TAFA2: variants seen among roughly 807,000 people sequenced by gnomAD.
The protein encoded by TAFA2 is chemokine-like protein TAFA-2.
Under a neutral mutation model 18.8 loss-of-function variants are expected in TAFA2, and 7 were observed. The observed-to-expected ratio is 0.37, with a 90% CI of 0.21 to 0.70. The LOEUF is 0.70. Among genes scored for constraint, TAFA2 ranks in the 30% least tolerant of loss-of-function variants. The pLI, the probability that TAFA2 is intolerant of heterozygous loss-of-function variation, is 0.53. For synonymous variants in TAFA2, 60 were observed against 54.2 expected (o/e 1.11, Z -0.47); for missense variants, 122 against 158.1 (o/e 0.77, Z 1.23).
chr12:62,090,654 CTTT>C (rs929688854), intron 1 of TAFA2, among the ~76,000 whole-genome samples: 3 of 152,042 alleles, frequency 2.0e-5, no homozygotes, highest in African/African-American at 7.2e-5. Context: ...TTCTCTACCT[CTTT>C]CCCACAATCA....
At chr12:61,914,391 G>A (rs552812940) in intron 1 of TAFA2, among the ~76,000 whole-genome samples, 1 of 152,304 alleles carries the variant, frequency 6.6e-6, no homozygotes, top group South Asian at 2.1e-4. Flanking sequence ...TCCCACTGTG[G>A]CTTGCTTAGA....
At chr12:61,828,716 C>T (rs1872612087) in intron 2 of TAFA2, among the ~76,000 whole-genome samples, 1 of 151,782 alleles carries the variant, frequency 6.6e-6, no homozygotes, top group Non-Finnish European at 1.5e-5. Flanking sequence ...TTGACCAATA[C>T]ATTTGTTATC....
intron 1 of TAFA2, among the ~76,000 whole-genome samples, chr12:62,236,266 T>C (rs1250910033): frequency 2.3e-5 from 3 of 132,146 alleles, no homozygotes; most frequent in African/African-American, 6.3e-5. Flanking sequence ...TTTTTCTTTT[T>C]TTTTTCTTTT....
At chr12:61,893,239 A>G (rs1222291602) in intron 1 of TAFA2, among the ~76,000 whole-genome samples, 1 of 152,248 alleles carries the variant, frequency 6.6e-6, no homozygotes, top group Non-Finnish European at 1.5e-5. Flanking sequence ...TAACCATTAC[A>G]CTTGGCAGCA....
At chr12:62,067,302 G>C (rs1366508356) in intron 1 of TAFA2, among the ~76,000 whole-genome samples, 1 of 152,024 alleles carries the variant, frequency 6.6e-6, no homozygotes, top group African/African-American at 2.4e-5. Context: ...TTGCTGTGCA[G>C]AAGCTTTCTA....
chr12:61,979,620 T>C (rs1879559294), intron 1 of TAFA2, among the ~76,000 whole-genome samples: 1 of 151,426 alleles, frequency 6.6e-6, no homozygotes, highest in African/African-American at 2.4e-5. Flanking sequence ...TTGGATAAAG[T>C]ATCATCAGAA....
At position 62,210,079 on chromosome 12, in the gene TAFA2, G is replaced by A. The variant is rs1387334354; in HGVS notation, c.-130+48684C>T. On this transcript the variant is annotated intron_variant, in intron 1 of 5. Transcript: ENST00000551619. Reference sequence around the variant, plus strand: ...GCCGGGCGTGGTGGTGGGCGCCTGTGGGAGGCTAAGGCAGAAAAATGGAGT... The same window carrying A: ...GCCGGGCGTGGTGGTGGGCGCCTGTAGGAGGCTAAGGCAGAAAAATGGAGT... Among the ~76,000 whole-genome samples the A allele has an allele frequency of 3.9e-5, 6 of 151,910 alleles. No individual in the cohort carries two copies. In the East Asian group the frequency reaches 1.2e-3, roughly 29 times the overall value.
At chr12:61,879,843 A>T (rs1592456207) in intron 1 of TAFA2, 1 of 1,208,534 alleles carries the variant, frequency 8.3e-7, no homozygotes, top group Non-Finnish European at 1.2e-6. Flanking sequence ...CTGGTGGAGG[A>T]CTTCAAGAAG....
intron 1 of TAFA2, among the ~76,000 whole-genome samples, chr12:62,000,225 T>C (rs895057502): frequency 8.7e-6 from 1 of 114,410 alleles, no homozygotes; most frequent in Non-Finnish European, 1.9e-5. Flanking sequence ...ACTGCCTGTG[T>C]AGTCCTTTAC....
chr12:61,795,675 T>C (rs1871159479), intron 2 of TAFA2, among the ~76,000 whole-genome samples: 2 of 150,844 alleles, frequency 1.3e-5, no homozygotes, highest in South Asian at 4.2e-4. Context: ...TGTATACATA[T>C]GTAACAAACC....
intron 1 of TAFA2, among the ~76,000 whole-genome samples, chr12:61,959,304 G>T (rs1289436993): frequency 6.6e-6 from 1 of 151,994 alleles, no homozygotes; most frequent in East Asian, 1.9e-4. Context: ...CCAAGAGCAT[G>T]CTATGCCTAA....
chr12:61,962,783 G>T (rs1046402674), intron 1 of TAFA2, among the ~76,000 whole-genome samples: 1 of 151,774 alleles, frequency 6.6e-6, no homozygotes, highest in Non-Finnish European at 1.5e-5. Flanking sequence ...AAGTTCTGGG[G>T]TACATGTGCA....
At chr12:61,976,081 C>G (rs17125568) in intron 1 of TAFA2, among the ~76,000 whole-genome samples, 1 of 151,510 alleles carries the variant, frequency 6.6e-6, no homozygotes, top group Non-Finnish European at 1.5e-5. Flanking sequence ...CTTTACCAAA[C>G]GATATAATTA....
At position 61,882,037 on chromosome 12, in the gene TAFA2, T is replaced by TTATGAA. The variant is rs1875166308; in HGVS notation, c.-1-14612_-1-14611insTTCATA. The stretch of plus-strand genomic sequence containing the variant: ...CCTAGACCTATGGACTTCAAATGAG[T>TTATGAA]GCCATTATATGAAATAACTGTGCTT... On this transcript the variant is annotated intron_variant, in intron 1 of 4. Transcript: ENST00000416284. Among the ~76,000 whole-genome samples, 3 of 152,156 alleles carry TTATGAA rather than the reference T, an allele frequency of 2.0e-5. No individual in the cohort carries two copies. In the South Asian group the frequency reaches 6.2e-4, roughly 32 times the overall value.
chr12:61,821,322 G>A (rs889706828), intron 2 of TAFA2, among the ~76,000 whole-genome samples: 1 of 151,876 alleles, frequency 6.6e-6, no homozygotes, highest in African/African-American at 2.4e-5. Context: ...TTACCACATG[G>A]CATCTATTTT....
intron 1 of TAFA2, among the ~76,000 whole-genome samples, chr12:62,132,644 T>C (rs1224349144): frequency 6.6e-6 from 1 of 151,872 alleles, no homozygotes; most frequent in Non-Finnish European, 1.5e-5. Flanking sequence ...TAAATCACAA[T>C]ATTGTAGTCA....
chr12:61,792,064 A>G (rs1871004878), intron 2 of TAFA2, among the ~76,000 whole-genome samples: 1 of 151,720 alleles, frequency 6.6e-6, no homozygotes, highest in Non-Finnish European at 1.5e-5. Context: ...ATTTGCAACA[A>G]CATGGATAAT....
chr12:62,116,390 A>C (rs940031046), intron 1 of TAFA2, among the ~76,000 whole-genome samples: 7 of 152,210 alleles, frequency 4.6e-5, no homozygotes, highest in Non-Finnish European at 1.0e-4. Context: ...TCATTATCAC[A>C]ACGACAGATG....
At chr12:62,106,321 G>C (rs1355997904) in intron 1 of TAFA2, among the ~76,000 whole-genome samples, 1 of 151,858 alleles carries the variant, frequency 6.6e-6, no homozygotes, top group Non-Finnish European at 1.5e-5. Flanking sequence ...GCAACAGAGT[G>C]AGACTCCATC....
Sources: allele counts gnomAD v4.1 joint callset (sites outside exome capture counted in the v4.1 genomes callset), GRCh38; gene constraint gnomAD v4.1.1; transcripts MANE v1.5; gene names NCBI Gene and HGNC (gene_info 2026-07-23, HGNC 2026-07-21).